Variants in ATP8A1 observed in about 807,000 individuals in gnomAD.
ATP8A1 encodes the protein ATPase phospholipid transporting 8A1.
A neutral mutation model predicts 177.7 loss-of-function variants in ATP8A1; 90 were observed. That is an observed-to-expected ratio of 0.51 (90% CI 0.43 to 0.60). ATP8A1 has a LOEUF of 0.60. ATP8A1 is among the 20% of genes least tolerant of loss of function. The pLI is 0.00. For missense variants in ATP8A1, 1,072 were observed against 1,392.8 expected (o/e 0.77, Z 3.67); for synonymous variants, 493 against 485.9 (o/e 1.01, Z -0.19).
At chr4:42,552,370 A>G (rs1353954324) in intron 17 of ATP8A1, 135 bp downstream of exon 17, 4 of 676,260 alleles carry the variant, frequency 5.9e-6, no homozygotes, top group African/African-American at 1.8e-5. Context: ...CTTGAAAGCC[A>G]AGGTTTTTCT....
At chr4:42,485,394 T>C in intron 25 of ATP8A1, 102 bp downstream of exon 25, 1 of 1,130,762 alleles carries the variant, frequency 8.8e-7, no homozygotes. Flanking sequence ...GTAAGTAACC[T>C]AACTTTTGTA....
chr4:42,577,533 G>T (rs535137944), intron 12 of ATP8A1, among the ~76,000 whole-genome samples: 24 of 152,150 alleles, frequency 1.6e-4, no homozygotes, highest in South Asian at 1.0e-3. Context: ...ATAACACAAA[G>T]TTTCTCAAAA....
chr4:42,615,101 A>G (rs1015511104), intron 5 of ATP8A1, among the ~76,000 whole-genome samples: 1 of 152,340 alleles, frequency 6.6e-6, no homozygotes, highest in East Asian at 1.9e-4. Context: ...TAAGCTCTTT[A>G]TAAGTTGTAA....
At chr4:42,500,767 G>A (rs1723781399) in intron 24 of ATP8A1, among the ~76,000 whole-genome samples, 1 of 152,168 alleles carries the variant, frequency 6.6e-6, no homozygotes, top group Non-Finnish European at 1.5e-5. Flanking sequence ...TATCAGGTCT[G>A]TAGAGTGAGA....
At chr4:42,540,168 A>C (rs566692358) in intron 20 of ATP8A1, among the ~76,000 whole-genome samples, 28 of 152,332 alleles carry the variant, frequency 1.8e-4, no homozygotes, top group African/African-American at 6.5e-4. Flanking sequence ...AATGGTCAAC[A>C]AGTATATGAA....
At chr4:42,585,548 C>A (rs1233523201) in intron 9 of ATP8A1, among the ~76,000 whole-genome samples, 1 of 148,130 alleles carries the variant, frequency 6.8e-6, no homozygotes, top group Non-Finnish European at 1.5e-5. Flanking sequence ...GAAACAGGCC[C>A]CAGCAGACAC....
At chr4:42,434,170 A>G (rs1715639486) in intron 33 of ATP8A1, among the ~76,000 whole-genome samples, 1 of 152,168 alleles carries the variant, frequency 6.6e-6, no homozygotes, top group African/African-American at 2.4e-5. Context: ...AAATGAGGAC[A>G]GTATTAGTAA....
chr4:42,514,230 A>G (rs1390369732), intron 22 of ATP8A1, among the ~76,000 whole-genome samples: 2 of 152,202 alleles, frequency 1.3e-5, no homozygotes, highest in Non-Finnish European at 2.9e-5. Flanking sequence ...GGGCTTAGTT[A>G]TAAGGCCAGA....
At chr4:42,486,035 TTTAG>T (rs1362211335) in intron 24 of ATP8A1, among the ~76,000 whole-genome samples, 3 of 152,220 alleles carry the variant, frequency 2.0e-5, no homozygotes. Context: ...ATTTAATTTA[TTTAG>T]TAAGGCCATT....
intron 7 of ATP8A1, 89 bp downstream of exon 7, chr4:42,590,722 C>T (rs1734076688): frequency 1.7e-6 from 2 of 1,190,980 alleles, no homozygotes; most frequent in Non-Finnish European, 2.5e-6. Context: ...GGAAGAGACA[C>T]AGAACTCAAC....
At chr4:42,506,860 G>C (rs1346846052) in intron 23 of ATP8A1, among the ~76,000 whole-genome samples, 156 bp downstream of exon 23, 1 of 152,144 alleles carries the variant, frequency 6.6e-6, no homozygotes, top group Non-Finnish European at 1.5e-5. Flanking sequence ...GCCACTTATG[G>C]ATGGGAGGCA....
chr4:42,545,237 T>G (rs1728782595), intron 19 of ATP8A1, among the ~76,000 whole-genome samples: 1 of 152,006 alleles, frequency 6.6e-6, no homozygotes, highest in Non-Finnish European at 1.5e-5. Flanking sequence ...ACTACCCCAG[T>G]CTCTATCCCT....
intron 33 of ATP8A1, among the ~76,000 whole-genome samples, chr4:42,425,225 G>C (rs766461829): frequency 6.6e-6 from 1 of 151,280 alleles, no homozygotes; most frequent in African/African-American, 2.4e-5. Context: ...AATTTGGTTG[G>C]GGGGGGGCAA....
At chr4:42,502,045 C>CT (rs111244110) in intron 24 of ATP8A1, among the ~76,000 whole-genome samples, 12,182 of 149,034 alleles carry the variant, frequency 0.082, 652 homozygotes, top group African/African-American at 0.16. Flanking sequence ...AACTGATATA[C>CT]TTTTTTTTTT....
intron 1 of ATP8A1, among the ~76,000 whole-genome samples, chr4:42,630,098 C>G (rs1738567708): frequency 6.6e-6 from 1 of 152,036 alleles, no homozygotes; most frequent in Non-Finnish European, 1.5e-5. Flanking sequence ...TTTTTATTTC[C>G]TCTGCATATC....
intron 6 of ATP8A1, among the ~76,000 whole-genome samples, chr4:42,595,796 AAC>A (rs148115955): frequency 2.0e-5 from 3 of 152,320 alleles, no homozygotes; most frequent in African/African-American, 4.8e-5. Context: ...GTTAGAGTCT[AAC>A]AGTCAGACTT....
At chr4:42,525,945 G>A (rs995465794) in intron 20 of ATP8A1, among the ~76,000 whole-genome samples, 2 of 152,080 alleles carry the variant, frequency 1.3e-5, no homozygotes, top group Admixed American at 6.5e-5. Context: ...GGGGCAAAGC[G>A]AAAGGAAATG....
rs1724435171 is a variant in ATP8A1 at position 42,507,054 on chromosome 4, A to G, written c.2048T>C (p.Ile683Thr). 2 of 1,614,012 alleles carry G rather than the reference A, an allele frequency of 1.2e-6. No individual in the cohort carries two copies. The highest frequency in any genetic ancestry group is 1.7e-6 in the Non-Finnish European group (2 of 1,179,982). ...TLMKADIKIW[I>T]LTGDKQETAI... ...AGTTTCTTGCTTGTCCCCTGTAAGGATCCAGATTTTGATGTCTGCTTTCAT... is the reference window on the plus strand; with the variant it reads ...AGTTTCTTGCTTGTCCCCTGTAAGGGTCCAGATTTTGATGTCTGCTTTCAT... Residue 683 changes from isoleucine to threonine, a missense_variant, in exon 23 of 37, where the codon ATC (isoleucine) becomes ACC (threonine). This residue lies in a region of ATP8A1 where 388 missense variants were observed against 471.7 expected (regional missense o/e 0.82). Transcript: ENST00000381668.
At position 42,579,801 on chromosome 4, in the gene ATP8A1, T is replaced by C; in HGVS notation, c.1000+12A>G. 1 of 1,608,010 alleles carries C rather than the reference T, an allele frequency of 6.2e-7. No individual in the cohort carries two copies. Among genetic ancestry groups the C allele is most frequent in the Non-Finnish European group, 8.5e-7 (1 of 1,177,622 alleles). Reference sequence around the variant, plus strand: ...TAATCTAAAAAAGTGCAGTAAGCACTTTATTGCTTACAGTTTAGATTGAGA... The same window carrying C: ...TAATCTAAAAAAGTGCAGTAAGCACCTTATTGCTTACAGTTTAGATTGAGA... On this transcript the variant is annotated intron_variant, in intron 11 of 36. Transcript: ENST00000381668.
Sources: gnomAD v4.1 joint callset for allele counts (sites outside exome capture counted in the v4.1 genomes callset) on GRCh38, gnomAD v4.1.1 for gene constraint, gnomAD v4.1.1 regional missense constraint, MANE v1.5 for transcripts, NCBI Gene and HGNC (gene_info 2026-07-23, HGNC 2026-07-21) for gene names.